The following CRLF2 variants were observed in gnomAD, a reference collection of about 807,000 sequenced individuals.
CRLF2 encodes the protein cytokine receptor-like factor 2.
A neutral mutation model predicts 38.7 loss-of-function variants in CRLF2; 41 were observed. The observed-to-expected ratio is 1.06, with a 90% CI of 0.83 to 1.37. The LOEUF is 1.37. Among genes scored for constraint, CRLF2 ranks in the 40% most tolerant of loss-of-function variants. The pLI, the probability that CRLF2 is intolerant of heterozygous loss-of-function variation, is 0.00. For synonymous variants in CRLF2, 140 were observed against 128.8 expected (o/e 1.09, Z -0.59); for missense variants, 377 against 322.2 (o/e 1.17, Z -1.30).
At chrX:1,196,946 C>A in intron 5 of CRLF2, 46 bp from the exon 6 acceptor site, 2 of 1,582,894 alleles carry the variant, frequency 1.3e-6, no homozygotes, top group East Asian at 2.2e-5. Context: ...ACATGACGTG[C>A]GGCTGTACGT....
At chrX:1,200,444 A>G (rs1215438520) in intron 4 of CRLF2, among the ~76,000 whole-genome samples, 1 of 151,354 alleles carries the variant, frequency 6.6e-6, no homozygotes, top group Non-Finnish European at 1.5e-5. Flanking sequence ...ATGTGTTTAT[A>G]TAAGGTGTGT....
chrX:1,192,151 G>A (rs1216104503), intron 7 of CRLF2, among the ~76,000 whole-genome samples: 3 of 141,596 alleles, frequency 2.1e-5, no homozygotes, highest in Non-Finnish European at 3.0e-5. Context: ...CTTGCAGTGA[G>A]CCGAGATCCC....
Position 1,191,108 on chromosome X carries a change from G to A in CRLF2, c.905C>T (p.Ala302Val), listed in dbSNP as rs2086365574. 2.5e-6 allele frequency: 1 copy of A among 398,614 alleles called. No individual in the cohort carries two copies. The allele number at this position is 398,614 out of a possible 1,614,324, so 24.7% of individuals were successfully genotyped here. The part of the protein sequence containing the change: ...NVAHLHKMAG[A>V]EQESGPEEPL... ...CTCCTCGGGGCCACTTTCTTGCTCT[G>A]CACCTGCCATCTTGTGGAGGTGGGC... Residue 302 changes from alanine to valine, a missense_variant, in exon 8 of 8, where the codon GCA becomes GTA. Ala to Val is a moderately conservative substitution (Grantham distance 64). Transcript: ENST00000400841.
intron 6 of CRLF2, among the ~76,000 whole-genome samples, chrX:1,196,079 T>TGC (rs2086469879): frequency 6.8e-5 from 10 of 146,498 alleles, no homozygotes; most frequent in South Asian, 4.2e-4. Flanking sequence ...TGGGGTTTCT[T>TGC]CATGTTGGCC....
chrX:1,207,235 C>G (rs1291509504), intron 2 of CRLF2, among the ~76,000 whole-genome samples: 2 of 151,780 alleles, frequency 1.3e-5, no homozygotes, highest in Non-Finnish European at 2.9e-5. Flanking sequence ...CGTGAGCCAC[C>G]GCGCCCGGCC....
rs186164690 is a variant in CRLF2 at position 1,196,480 on chromosome X, C to G, written c.767+300G>C. Among the ~76,000 whole-genome samples, 18 of 151,914 alleles carry G rather than the reference C, an allele frequency of 1.2e-4. No individual in the cohort carries two copies. In the South Asian group the frequency reaches 2.3e-3, roughly 19 times the overall value. ...GGATTACAGGCGTGAACCACCGTGC[C>G]TGACCCTAATTTTTGTATTCTTAGT... On this transcript the variant is annotated intron_variant, in intron 6 of 7. Transcript: ENST00000400841.
intron 3 of CRLF2, among the ~76,000 whole-genome samples, chrX:1,203,517 G>A (rs1189776212): frequency 2.0e-5 from 3 of 151,900 alleles, no homozygotes. Flanking sequence ...CTTGAGGTGA[G>A]ATCATCCTGG....
At chrX:1,202,647 GT>G (rs1319918941) in intron 3 of CRLF2, 112 bp from the exon 4 acceptor site, 1,122,884 of 1,252,726 alleles carry the variant, frequency 0.9, 503,980 homozygotes, top group East Asian at 0.95. Flanking sequence ...ATACCTTATG[GT>G]GTCTCGGGGT....
intron 7 of CRLF2, among the ~76,000 whole-genome samples, chrX:1,192,166 C>G (rs1486647714): frequency 1.5e-5 from 2 of 136,146 alleles, no homozygotes; most frequent in Non-Finnish European, 3.1e-5. Flanking sequence ...GATCCCGCCA[C>G]TGCACTCCAG....
At position 1,212,628 on chromosome X, in the gene CRLF2, G is replaced by C; in HGVS notation, c.7C>G (p.Arg3Gly). Residue 3 changes from arginine to glycine, a missense_variant, in exon 1 of 8, where the codon CGG (arginine) becomes GGG (glycine). By Grantham distance (125) the Arg-to-Gly change is moderately radical (BLOSUM62 -2). Transcript: ENST00000400841. MG[R>G]LVLLWGAAVF... is the part of the protein sequence containing the mutation. ...GCAGCTCCCCACAGCAGAACCAGCC[G>C]CCCCATGCCTGAAACAGGAGTGGAG... 2 of 1,611,192 alleles carry C rather than the reference G, an allele frequency of 1.2e-6. No individual in the cohort carries two copies. Among genetic ancestry groups the C allele is most frequent in the Non-Finnish European group, 1.7e-6 (2 of 1,177,990 alleles).
chrX:1,197,093 C>T (rs1291457618), intron 5 of CRLF2, among the ~76,000 whole-genome samples, 193 bp from the exon 6 acceptor site: 8 of 118,628 alleles, frequency 6.7e-5, no homozygotes, highest in East Asian at 2.4e-4. Flanking sequence ...AAATCTTTTA[C>T]TTTTTTTTTT....
intron 1 of CRLF2, among the ~76,000 whole-genome samples, chrX:1,209,481 G>A (rs1185134912): frequency 5.3e-5 from 8 of 151,168 alleles, no homozygotes; most frequent in East Asian, 3.9e-4. Flanking sequence ...ACAGGTGCCC[G>A]CCACCATGCC....
chrX:1,200,028 T>TCTGG (rs2086572387), intron 4 of CRLF2, among the ~76,000 whole-genome samples: 1 of 95,116 alleles, frequency 1.1e-5, no homozygotes, highest in Non-Finnish European at 2.5e-5. Context: ...ATAAGCTCTG[T>TCTGG]ATATATGTGT....
chrX:1,192,782 TCC>T, intron 7 of CRLF2, among the ~76,000 whole-genome samples: 1 of 143,922 alleles, frequency 6.9e-6, no homozygotes, highest in South Asian at 2.2e-4. Context: ...CCTTCCTCTC[TCC>T]CCCTTTCCTC....
At chrX:1,192,783 C>G (rs1259434408) in intron 7 of CRLF2, among the ~76,000 whole-genome samples, 1 of 137,922 alleles carries the variant, frequency 7.3e-6, no homozygotes, top group Admixed American at 8.0e-5. Flanking sequence ...CTTCCTCTCT[C>G]CCCCTTTCCT....
intron 1 of CRLF2, among the ~76,000 whole-genome samples, chrX:1,209,288 A>AG (rs1408290011): frequency 1.6e-4 from 21 of 134,904 alleles, no homozygotes; most frequent in South Asian, 7.3e-4. Flanking sequence ...ATTGTATTGC[A>AG]TTGTATTGTA....
intron 3 of CRLF2, among the ~76,000 whole-genome samples, chrX:1,203,716 G>A (rs1182515865): frequency 6.6e-6 from 1 of 152,276 alleles, no homozygotes; most frequent in East Asian, 1.9e-4. Flanking sequence ...CAGAGGGAAT[G>A]CGGCTCTCAG....
At chrX:1,211,453 A>G (rs866416634) in intron 1 of CRLF2, among the ~76,000 whole-genome samples, 596 of 104,978 alleles carry the variant, frequency 5.7e-3, no homozygotes, top group African/African-American at 1.0e-2. Flanking sequence ...GTATTGGTGG[A>G]TGGATGGGTG....
In CRLF2 at chrX:1,191,312, T is replaced by TCTTTCTTTCTTTCTTTCTTTCTTTCTTTC. The variant is rs2086371231; in HGVS notation, c.853-181_853-153dup. ...TTTCTTTTCTCTTTCTTTCTTTCTT[T>TCTTTCTTTCTTTCTTTCTTTCTTTCTTTC]CTTTCTTTCTTTCTTTCTTTCTTTC... On this transcript the variant is annotated intron_variant, in intron 7 of 7. Transcript: ENST00000400841. Among the ~76,000 whole-genome samples the TCTTTCTTTCTTTCTTTCTTTCTTTCTTTC allele has an allele frequency of 4.5e-5, 5 of 111,476 alleles. 1 individual carries two copies. The East Asian group carries it at 1.7e-3, about 38-fold the overall frequency. The allele number at this position is 111,476 out of a possible 152,430, so 73.1% of individuals were successfully genotyped here. A position where few individuals can be genotyped will look rare whatever the true frequency, so the allele number is the denominator to read the frequency against.
Sources: gnomAD v4.1 joint callset for allele counts (sites outside exome capture counted in the v4.1 genomes callset) on GRCh38, gnomAD v4.1.1 for gene constraint, MANE v1.5 for transcripts, NCBI Gene and HGNC (gene_info 2026-07-23, HGNC 2026-07-21) for gene names.